PDE9A: variants seen among roughly 807,000 people sequenced by gnomAD.
The protein encoded by PDE9A is high affinity cGMP-specific 3',5'-cyclic phosphodiesterase 9A.
A neutral mutation model predicts 87.4 loss-of-function variants in PDE9A; 60 were observed. The observed-to-expected ratio is 0.69, with a 90% CI of 0.56 to 0.85. The LOEUF (loss-of-function observed/expected upper bound fraction) is 0.85. PDE9A is among the 40% of genes least tolerant of loss of function. PDE9A has a pLI of 0.00. For synonymous variants in PDE9A, 272 were observed against 279.4 expected, an observed-to-expected ratio of 0.97 and a Z score of 0.27; for missense variants, 665 against 779.0, an observed-to-expected ratio of 0.85 and a Z score of 1.74.
rs181326865 is a variant in PDE9A at position 42,747,805 on chromosome 21, G to T, written c.654-3311G>T. On this transcript the variant is annotated intron_variant, in intron 8 of 19. Transcript: ENST00000291539. ...TGCAGGAGCCTGGGGTGGCAACTGA[G>T]GGCTCAGCGTTCATCCCAAACAAAT... Among the ~76,000 whole-genome samples, 502 of 152,374 alleles carry T rather than the reference G, an allele frequency of 3.3e-3. 4 individuals carry two copies. Among genetic ancestry groups the T allele is most frequent in the African/African-American group, 0.011 (471 of 41,594 alleles).
rs531153312 is a variant in PDE9A at position 42,729,633 on chromosome 21, A to G, written c.263-2137A>G. 1.8e-3 allele frequency among the ~76,000 whole-genome samples: 280 copies of G among 152,282 alleles called. 1 individual carries two copies. The highest frequency in any genetic ancestry group is 6.3e-3 in the African/African-American group (260 of 41,546). ...TTTTCCTCTCTTCAAATGAAAGCCC[A>G]TAGTGCTATAAATTTCCCTCTCAGC... On this transcript the variant is annotated intron_variant, in intron 4 of 19. Transcript: ENST00000291539.
Position 42,768,812 on chromosome 21 carries a change from A to G in PDE9A, c.1462-215A>G, listed in dbSNP as rs765671312. ...ACATCCATCCAACTCACCTCTGCCT[A>G]TCTCTCAGGTCGGTCTTCCCAGCTA... On this transcript the variant is annotated intron_variant, in intron 16 of 19. Coordinates refer to ENST00000291539, the MANE Select transcript of PDE9A (RefSeq NM_002606.3). 1.2e-4 allele frequency: 123 copies of G among 985,294 alleles called. 1 individual carries two copies. In the Middle Eastern group the frequency reaches 1.5e-3, roughly 12 times the overall value. 61.0% of individuals were successfully genotyped at this position (985,294 alleles called of 1,614,324 possible).
intron 4 of PDE9A, among the ~76,000 whole-genome samples, chr21:42,710,310 G>A (rs1189389706): frequency 2.6e-5 from 4 of 151,750 alleles, no homozygotes; most frequent in Admixed American, 1.3e-4. Flanking sequence ...TCAGGAGGCT[G>A]AGGCAGGAGA....
rs775211767 is a variant in PDE9A, at chr21:42,770,658, C to T, written c.1591-45C>T. On this transcript the variant is annotated intron_variant, in intron 17 of 19. Coordinates refer to ENST00000291539, the MANE Select transcript of PDE9A (RefSeq NM_002606.3). ...TGTTTTTCTCCGACGTTTCCCATTG[C>T]CTTAAGAACGAGGGACTCTGAATAA... 9 of 1,476,714 alleles carry T rather than the reference C, an allele frequency of 6.1e-6. No individual in the cohort carries two copies. In the South Asian group the frequency reaches 1.0e-4, roughly 17 times the overall value. 91.5% of individuals were successfully genotyped at this position (1,476,714 alleles called of 1,614,324 possible).
At chr21:42,707,552 T>C (rs1469669716) in intron 4 of PDE9A, among the ~76,000 whole-genome samples, 2 of 152,088 alleles carry the variant, frequency 1.3e-5, no homozygotes, top group Non-Finnish European at 2.9e-5. Context: ...CTGGGAGCTC[T>C]CTTCCCTTCC....
intron 1 of PDE9A, among the ~76,000 whole-genome samples, chr21:42,680,454 G>A (rs1181672299): frequency 6.6e-6 from 1 of 152,228 alleles, no homozygotes; most frequent in Non-Finnish European, 1.5e-5. Flanking sequence ...CACTTGGAAG[G>A]GGTGATCTAG....
At chr21:42,655,622 C>G (rs1230949640) in intron 1 of PDE9A, among the ~76,000 whole-genome samples, 1 of 152,148 alleles carries the variant, frequency 6.6e-6, no homozygotes, top group African/African-American at 2.4e-5. Context: ...CTGGGCTCCC[C>G]AAGCTGGCAT....
intron 4 of PDE9A, among the ~76,000 whole-genome samples, chr21:42,710,681 T>C (rs183658415): frequency 6.6e-6 from 1 of 152,336 alleles, no homozygotes; most frequent in African/African-American, 2.4e-5. Flanking sequence ...TTTTGTGTAG[T>C]GTCTGTTCAA....
At chr21:42,748,151 A>T (rs547126214) in intron 8 of PDE9A, among the ~76,000 whole-genome samples, 38 of 152,368 alleles carry the variant, frequency 2.5e-4, no homozygotes, top group Non-Finnish European at 5.1e-4. Flanking sequence ...CAGAGACAGC[A>T]CATGTGCGAA....
chr21:42,667,464 A>G (rs1330028899), intron 1 of PDE9A, among the ~76,000 whole-genome samples: 1 of 152,040 alleles, frequency 6.6e-6, no homozygotes, highest in Admixed American at 6.6e-5. Context: ...TTTGAATAGA[A>G]ACACACCCCT....
intron 10 of PDE9A, 170 bp from the exon 11 acceptor site, chr21:42,758,829 C>T (rs368903907): frequency 8.6e-6 from 5 of 584,002 alleles, no homozygotes; most frequent in African/African-American, 7.5e-5. Context: ...GACCTCTCTT[C>T]CCATGTCTGC....
rs1053388047 is a variant in PDE9A, at chr21:42,739,504, C to G, written c.569-4272C>G. Among the ~76,000 whole-genome samples, 1 of 152,234 alleles carries G rather than the reference C, an allele frequency of 6.6e-6. No homozygotes were observed. Among genetic ancestry groups the G allele is most frequent in the Non-Finnish European group, 1.5e-5 (1 of 68,040 alleles). On this transcript the variant is annotated intron_variant, in intron 7 of 19. Coordinates refer to ENST00000291539, the MANE Select transcript of PDE9A (RefSeq NM_002606.3). The surrounding 1 kb of genome is among the most constrained non-coding windows in gnomAD (Gnocchi z 4.1). ...CTCCTGCAGACCTCCCCGCCAGCCC[C>G]GTCATTTCATGGCATCTTGCTTTCT...
chr21:42,754,186 G>GGAA (rs1555946053), intron 10 of PDE9A, 122 bp downstream of exon 10: 14 of 500,110 alleles, frequency 2.8e-5, no homozygotes, highest in African/African-American at 1.4e-4. Context: ...TTTAAAGACT[G>GGAA]AAAAAAAAAA....
rs1226998995 is a variant in PDE9A at position 42,759,154 on chromosome 21, G to C, written c.897+69G>C. The C allele has an allele frequency of 1.7e-6, 2 of 1,154,260 alleles. No individual in the cohort carries two copies. The highest frequency in any genetic ancestry group is 2.6e-6 in the Non-Finnish European group (2 of 768,136). The allele number at this position is 1,154,260 out of a possible 1,614,324, so 71.5% of individuals were successfully genotyped here. A position where few individuals can be genotyped will look rare whatever the true frequency, so the allele number is the denominator to read the frequency against. On this transcript the variant is annotated intron_variant, in intron 11 of 19. Coordinates refer to ENST00000291539, the MANE Select transcript of PDE9A (RefSeq NM_002606.3). The surrounding 1 kb of genome is among the most constrained non-coding windows in gnomAD (Gnocchi z 7.2). Reference sequence around the variant, plus strand: ...TCATCCAGTTCCACAGGAATGGAGGGAATGGATCACCAGGGCACCTTCCGG... The same window carrying C: ...TCATCCAGTTCCACAGGAATGGAGGCAATGGATCACCAGGGCACCTTCCGG...
chr21:42,674,622 G>A (rs1351733206), intron 1 of PDE9A, among the ~76,000 whole-genome samples: 1 of 152,140 alleles, frequency 6.6e-6, no homozygotes, highest in Non-Finnish European at 1.5e-5. Context: ...TGTCCTCCAT[G>A]CCGGATTCTG....
chr21:42,653,779 A>T lies in PDE9A; in HGVS notation c.-36A>T. On this transcript the variant is annotated 5_prime_UTR_variant, in exon 1 of 20. Transcript: ENST00000291539. ...CCGCGGCGGCTGGCGTCGGGAAAGT[A>T]CAGTAAAAAGTCCGAGTGCAGCCGC... 1.5e-6 allele frequency: 2 copies of T among 1,367,044 alleles called. No homozygotes were observed. Among genetic ancestry groups the T allele is most frequent in the South Asian group, 2.6e-5 (2 of 77,932 alleles). 84.7% of individuals were successfully genotyped at this position (1,367,044 alleles called of 1,614,324 possible). A position where few individuals can be genotyped will look rare whatever the true frequency, so the allele number is the denominator to read the frequency against.
chr21:42,721,887 G>A (rs889838821), intron 4 of PDE9A, among the ~76,000 whole-genome samples: 2 of 152,050 alleles, frequency 1.3e-5, no homozygotes, highest in East Asian at 1.9e-4. Context: ...CTCTTTGGGG[G>A]CAAGTAATGT....
intron 4 of PDE9A, among the ~76,000 whole-genome samples, chr21:42,699,834 C>T (rs2048246068): frequency 6.6e-6 from 1 of 152,206 alleles, no homozygotes; most frequent in South Asian, 2.1e-4. Context: ...GCTAGGATTA[C>T]AGGCGTGAGC....
chr21:42,693,472 G>C (rs944963794), intron 3 of PDE9A, among the ~76,000 whole-genome samples: 1 of 150,676 alleles, frequency 6.6e-6, no homozygotes, highest in Non-Finnish European at 1.5e-5. Context: ...CTAATTTTTT[G>C]TGTTTTTAGT....
Sources: allele counts gnomAD v4.1 joint callset (sites outside exome capture counted in the v4.1 genomes callset), GRCh38; gene constraint gnomAD v4.1.1; non-coding constraint Gnocchi (gnomAD v3.1); transcripts MANE v1.5; gene names NCBI Gene and HGNC (gene_info 2026-07-23, HGNC 2026-07-21).